Variants in ZNF568 observed in about 807,000 individuals in gnomAD.
ZNF568 encodes p53 inhibitor of SCO2 activation.
ZNF568 carries 11 observed loss-of-function variants against 18.1 expected under a neutral mutation model. The observed-to-expected ratio is 0.61, with a 90% CI of 0.38 to 1.00. ZNF568 has a LOEUF of 1.00. Among genes scored for constraint, ZNF568 ranks in the 50% least tolerant of loss-of-function variants. The probability of loss-of-function intolerance (pLI) is 0.01; values close to 1 mark genes in which losing one functional copy is unlikely to be tolerated. For missense variants in ZNF568, 639 were observed against 768.2 expected, an observed-to-expected ratio of 0.83 and a Z score of 1.99; for synonymous variants, 213 against 246.6, an observed-to-expected ratio of 0.86 and a Z score of 1.28.
At chr19:36,965,159 A>G (rs953587380) in intron 6 of ZNF568, among the ~76,000 whole-genome samples, 2 of 152,220 alleles carry the variant, frequency 1.3e-5, no homozygotes, top group African/African-American at 2.4e-5. Context: ...TTTAGTTGCC[A>G]TTATAACAGT....
intron 6 of ZNF568, among the ~76,000 whole-genome samples, chr19:36,962,754 T>G (rs2074165470): frequency 6.6e-6 from 1 of 152,208 alleles, no homozygotes; most frequent in Non-Finnish European, 1.5e-5. Context: ...TGATGTAGCA[T>G]TCTTGGCTAG....
chr19:36,927,421 A>G (rs1391771674), intron 4 of ZNF568, among the ~76,000 whole-genome samples: 1 of 152,138 alleles, frequency 6.6e-6, no homozygotes, highest in Non-Finnish European at 1.5e-5. Flanking sequence ...TTATCTTTGC[A>G]TGTAGAAGAC....
intron 4 of ZNF568, among the ~76,000 whole-genome samples, chr19:36,935,919 T>C (rs2073782359): frequency 6.6e-6 from 1 of 152,210 alleles, no homozygotes; most frequent in South Asian, 2.1e-4. Flanking sequence ...AATCTGACAA[T>C]CTGTCCTTTT....
At position 36,950,695 on chromosome 19, in the gene ZNF568, A is replaced by G. The variant is rs760212195; in HGVS notation, c.1542A>G (p.Lys514=). 1 of 1,613,882 alleles carries G rather than the reference A, an allele frequency of 6.2e-7. No individual in the cohort carries two copies. The highest frequency in any genetic ancestry group is 1.1e-5 in the South Asian group (1 of 91,050). ...CTVCGKAFSQ[K]SNLTEHEKIH... Reference sequence around the variant, plus strand: ...TATGTGGAAAAGCCTTTAGTCAGAAATCAAACCTCACTGAACATGAGAAAA... The same window carrying G: ...TATGTGGAAAAGCCTTTAGTCAGAAGTCAAACCTCACTGAACATGAGAAAA... Residue 514 remains lysine, a synonymous_variant, in exon 7 of 7, where the codon AAA becomes AAG. Transcript: ENST00000333987.
At chr19:36,927,903 A>ATTTTTTTT (rs71177414) in intron 4 of ZNF568, among the ~76,000 whole-genome samples, 7 of 26,594 alleles carry the variant, frequency 2.6e-4, no homozygotes, top group African/African-American at 7.6e-4. Context: ...ATATATATAT[A>ATTTTTTTT]TTTTTTTTTT....
downstream of ZNF568, among the ~76,000 whole-genome samples, chr19:36,956,107 C>T (rs187600008): frequency 1.3e-5 from 2 of 152,268 alleles, no homozygotes; most frequent in African/African-American, 2.4e-5. Context: ...AGGGTGTGAT[C>T]GCAGGCACAG....
chr19:36,989,789 T>C (rs930286324), intron 2 of ZNF568, among the ~76,000 whole-genome samples: 1 of 152,028 alleles, frequency 6.6e-6, no homozygotes, highest in Non-Finnish European at 1.5e-5. Context: ...CAAGCAATCC[T>C]CCCACCTTGG....
chr19:36,955,160 C>A (rs566325981), downstream of ZNF568, among the ~76,000 whole-genome samples: 1 of 151,936 alleles, frequency 6.6e-6, no homozygotes, highest in African/African-American at 2.4e-5. Context: ...TTTCGTGTAT[C>A]CACACAAGTA....
chr19:36,936,313 A>G (rs2073788949), intron 4 of ZNF568, among the ~76,000 whole-genome samples: 1 of 152,190 alleles, frequency 6.6e-6, no homozygotes, highest in South Asian at 2.1e-4. Flanking sequence ...ATAATGTTGC[A>G]TCACTTAAAG....
rs2073731947 is a variant in ZNF568, at chr19:36,933,897, AGGTTTTTTTTTTTGTTTTGTTTTTTT to A, written c.136-2847_136-2822del. Among the ~76,000 whole-genome samples, 4 of 113,346 alleles carry A rather than the reference AGGTTTTTTTTTTTGTTTTGTTTTTTT, an allele frequency of 3.5e-5. 1 individual carries two copies. Among genetic ancestry groups the A allele is most frequent in the Admixed American group, 1.8e-4 (2 of 10,836 alleles). 74.4% of individuals were successfully genotyped at this position (113,346 alleles called of 152,430 possible). ...CTAGGCCTGAGTTTTTCTTTTGGGT[AGGTTTTTTTTTTTGTTTTGTTTTTTT>A]GTTTTTTTTTTTTTTTTTTAGTAAT... On this transcript the variant is annotated intron_variant, in intron 4 of 6. Coordinates refer to ENST00000333987, the MANE Select transcript of ZNF568 (RefSeq NM_198539.4).
chr19:36,931,161 T>C (rs2073680408), intron 4 of ZNF568, among the ~76,000 whole-genome samples: 1 of 152,186 alleles, frequency 6.6e-6, no homozygotes, highest in Admixed American at 6.5e-5. Context: ...CACAGCTTCC[T>C]GGGCCAAGGT....
Position 36,950,416 on chromosome 19 carries a change from T to C in ZNF568, c.1263T>C (p.Ser421=). Residue 421 remains serine (S), a synonymous_variant, in exon 7 of 7, where the codon AGT becomes AGC. Transcript: ENST00000333987. ...SHTGEKPYVC[S]ECGKAFSQSS... ...CTGGTGAGAAACCCTATGTATGTAG[T>C]GAATGTGGGAAAGCCTTCTCTCAGA... 2 of 1,613,732 alleles carry C rather than the reference T, an allele frequency of 1.2e-6. No homozygotes were observed. Among genetic ancestry groups the C allele is most frequent in the Non-Finnish European group, 1.7e-6 (2 of 1,179,918 alleles).
At chr19:36,941,656 C>T (rs1156807477) in intron 6 of ZNF568, among the ~76,000 whole-genome samples, 1 of 152,146 alleles carries the variant, frequency 6.6e-6, no homozygotes, top group Non-Finnish European at 1.5e-5. Context: ...ATGCAGACTG[C>T]ACAAAAGATA....
intron 6 of ZNF568, among the ~76,000 whole-genome samples, chr19:36,943,944 C>G (rs2073923035): frequency 6.6e-6 from 1 of 152,024 alleles, no homozygotes; most frequent in Non-Finnish European, 1.5e-5. Flanking sequence ...GTTTCCCGCT[C>G]CAGACATGGA....
intron 4 of ZNF568, among the ~76,000 whole-genome samples, chr19:36,930,270 C>A (rs992181229): frequency 6.7e-6 from 1 of 149,084 alleles, no homozygotes. Flanking sequence ...AGTGCAATGG[C>A]ACAATCTTGG....
downstream of ZNF568, among the ~76,000 whole-genome samples, chr19:36,954,857 G>A (rs1453788290): frequency 6.6e-6 from 1 of 151,902 alleles, no homozygotes; most frequent in Non-Finnish European, 1.5e-5. Flanking sequence ...GATTACAGGT[G>A]TGAGCCACTG....
chr19:36,970,971 G>A (rs549735069), intron 6 of ZNF568, among the ~76,000 whole-genome samples: 2 of 152,000 alleles, frequency 1.3e-5, no homozygotes, highest in South Asian at 2.1e-4. Context: ...GCCTGGGCAC[G>A]GTGGCTCACT....
chr19:36,950,691 A>G lies in ZNF568; in HGVS notation c.1538A>G (p.Gln513Arg). The change falls in exon 7 of 7, where the codon CAG becomes CGG. Residue 513 changes from glutamine to arginine, a missense_variant. Physicochemically the swap from Gln to Arg is conservative, Grantham distance 43. Transcript: ENST00000333987. ...ACTVCGKAFS[Q>R]KSNLTEHEKI... The stretch of plus-strand genomic sequence containing the variant: ...ACAGTATGTGGAAAAGCCTTTAGTC[A>G]GAAATCAAACCTCACTGAACATGAG... The G allele has an allele frequency of 1.2e-6, 2 of 1,613,948 alleles. No homozygotes were observed. Among genetic ancestry groups the G allele is most frequent in the South Asian group, 2.2e-5 (2 of 91,056 alleles).
downstream of ZNF568, among the ~76,000 whole-genome samples, chr19:36,953,288 G>T (rs1600825382): frequency 6.6e-6 from 1 of 152,090 alleles, no homozygotes; most frequent in East Asian, 1.9e-4. Flanking sequence ...ACCAGCATAG[G>T]CATTAATATC....
Sources: gnomAD v4.1 joint callset for allele counts (sites outside exome capture counted in the v4.1 genomes callset) on GRCh38, gnomAD v4.1.1 for gene constraint, MANE v1.5 for transcripts, NCBI Gene and HGNC (gene_info 2026-07-23, HGNC 2026-07-21) for gene names.